Variants in COPG2 observed in about 807,000 individuals in gnomAD.
COPG2 encodes the protein coat protein complex I subunit gamma 2, also known as coatomer subunit gamma-2.
A neutral mutation model predicts 46.3 loss-of-function variants in COPG2; 37 were observed. The ratio of observed to expected loss-of-function variants is 0.80; its 90% confidence interval spans 0.61 to 1.05. COPG2 has a LOEUF of 1.05. Ranked by LOEUF, COPG2 falls within the 50% of genes least tolerant of loss-of-function variation. The pLI, the probability that COPG2 is intolerant of heterozygous loss-of-function variation, is 0.00. For synonymous variants in COPG2, 159 were observed against 129.7 expected, an observed-to-expected ratio of 1.23 and a Z score of -1.53; for missense variants, 427 against 387.8, an observed-to-expected ratio of 1.10 and a Z score of -0.85.
At chr7:130,559,068 AT>A (rs1372145692) in intron 12 of COPG2, among the ~76,000 whole-genome samples, 1 of 152,242 alleles carries the variant, frequency 6.6e-6, no homozygotes, top group African/African-American at 2.4e-5. Flanking sequence ...CCTAAAAAAA[AT>A]AACACTTTTG....
intron 4 of COPG2, among the ~76,000 whole-genome samples, chr7:130,662,652 A>G (rs1796001035): frequency 6.6e-6 from 1 of 152,208 alleles, no homozygotes. Context: ...CCCACCAGAA[A>G]CTTGACTAAG....
intron 9 of COPG2, among the ~76,000 whole-genome samples, chr7:130,578,376 G>C (rs1250359047): frequency 1.3e-5 from 2 of 148,976 alleles, no homozygotes; most frequent in Admixed American, 1.3e-4. Context: ...ACCAAAAGTA[G>C]ATAAAACCAC....
At chr7:130,551,639 A>G (rs1339393128) in intron 15 of COPG2, among the ~76,000 whole-genome samples, 1 of 152,210 alleles carries the variant, frequency 6.6e-6, no homozygotes, top group Non-Finnish European at 1.5e-5. Flanking sequence ...CTGTAACTAC[A>G]TGACCCTGTT....
chr7:130,512,052 T>TAAAAAAAA (rs1182017221), intron 20 of COPG2, among the ~76,000 whole-genome samples: 37 of 99,102 alleles, frequency 3.7e-4, no homozygotes, highest in South Asian at 6.7e-4. Context: ...CTGTGTCTTC[T>TAAAAAAAA]AAAAAAAAAA....
At chr7:130,509,559 A>G in intron 20 of COPG2, 1 of 422,680 alleles carries the variant, frequency 2.4e-6, no homozygotes. Flanking sequence ...ATTGGGTAAT[A>G]AGACTTTCAT....
chr7:130,507,360 TTGTTGACAGCCTCTG>T lies in COPG2; in HGVS notation c.2387-3_2398del. The T allele has an allele frequency of 1.3e-6, 1 of 780,644 alleles. No homozygotes were observed. The highest frequency in any genetic ancestry group is 2.4e-5 in the East Asian group (1 of 41,246). 48.4% of individuals were successfully genotyped at this position (780,644 alleles called of 1,614,324 possible). A position where few individuals can be genotyped will look rare whatever the true frequency, so the allele number is the denominator to read the frequency against. ...CTGCATGCCCAGAAATGTGATGATA[TTGTTGACAGCCTCTG>T]TGTTGAGAAGATGTATGAGACAGTA... is the stretch of plus-strand genomic sequence containing the variant. On this transcript the variant is annotated splice_acceptor_variant and splice_polypyrimidine_tract_variant and coding_sequence_variant and intron_variant, in exon 23 of 24. Transcript: ENST00000425248. LOFTEE classifies it high-confidence loss of function.
chr7:130,555,966 T>A (rs2116394082), intron 12 of COPG2, among the ~76,000 whole-genome samples: 1 of 152,262 alleles, frequency 6.6e-6, no homozygotes, highest in Non-Finnish European at 1.5e-5. Flanking sequence ...AACAAGAGAC[T>A]CCTGGCTCAG....
chr7:130,518,889 C>T (rs1799701170), intron 20 of COPG2, among the ~76,000 whole-genome samples: 1 of 151,750 alleles, frequency 6.6e-6, no homozygotes, highest in South Asian at 2.1e-4. Flanking sequence ...GCCTGTAAGC[C>T]CAGCTACTCG....
Position 130,617,018 on chromosome 7 carries a change from G to A in COPG2, c.371C>T (p.Ala124Val), listed in dbSNP as rs1794962566. The change falls in exon 6 of 24, where the codon GCC becomes GTC. Residue 124 changes from alanine to valine, a missense_variant. Transcript: ENST00000425248. ...TGKEDVYRGP[A>V]IRALCRITDG... is the part of the protein sequence containing the mutation. Reference sequence around the variant, plus strand: ...GGTGATCCTGCAGAGAGCTCTGATGGCCGGGCCTCGGTATACATCTTCTTT... The same window carrying A: ...GGTGATCCTGCAGAGAGCTCTGATGACCGGGCCTCGGTATACATCTTCTTT... 6.2e-7 allele frequency: 1 copy of A among 1,611,220 alleles called. No individual in the cohort carries two copies. Among genetic ancestry groups the A allele is most frequent in the Non-Finnish European group, 8.5e-7 (1 of 1,178,114 alleles).
chr7:130,508,209 CAAAAACAA>C (rs1199644156), intron 21 of COPG2: 2 of 245,940 alleles, frequency 8.1e-6, no homozygotes, highest in African/African-American at 4.5e-5. Flanking sequence ...GCTGCTGAAG[CAAAAACAA>C]AAAACCAAAA....
intron 5 of COPG2, among the ~76,000 whole-genome samples, chr7:130,624,363 T>C (rs887261529): frequency 6.6e-6 from 1 of 152,188 alleles, no homozygotes. Flanking sequence ...GTAAATGGGG[T>C]TCTATCTACT....
chr7:130,566,768 C>T (rs1368560311), intron 9 of COPG2, among the ~76,000 whole-genome samples: 4 of 152,126 alleles, frequency 2.6e-5, no homozygotes, highest in African/African-American at 9.7e-5. Context: ...CAGTGATGTT[C>T]CTTGGACTTT....
intron 20 of COPG2, among the ~76,000 whole-genome samples, chr7:130,515,119 A>T (rs1278407612): frequency 1.3e-5 from 2 of 152,116 alleles, no homozygotes; most frequent in African/African-American, 4.8e-5. Context: ...CCTCCCCCAG[A>T]CCTAGTCAGT....
In COPG2 at chr7:130,550,660, T is replaced by C. The variant is rs1395776964; in HGVS notation, c.1649-11A>G. 7.6e-6 allele frequency: 3 copies of C among 396,818 alleles called. No homozygotes were observed. Among genetic ancestry groups the C allele is most frequent in the Admixed American group, 8.8e-5 (2 of 22,664 alleles). The allele number at this position is 396,818 out of a possible 1,614,324, so 24.6% of individuals were successfully genotyped here. ...CAGAGACCGTCAAACCTGTGAAACATAGAGAAATCTCAGCATTATAACCTC... is the reference window on the plus strand; with the variant it reads ...CAGAGACCGTCAAACCTGTGAAACACAGAGAAATCTCAGCATTATAACCTC... On this transcript the variant is annotated splice_polypyrimidine_tract_variant and intron_variant, in intron 16 of 23. Coordinates refer to ENST00000425248, the MANE Select transcript of COPG2 (RefSeq NM_012133.6).
At chr7:130,525,882 C>T (rs1212806672) in intron 20 of COPG2, among the ~76,000 whole-genome samples, 1 of 151,558 alleles carries the variant, frequency 6.6e-6, no homozygotes, top group Non-Finnish European at 1.5e-5. Flanking sequence ...GAGAGTGGGA[C>T]CTATGTAAGA....
chr7:130,529,575 G>A (rs1799804724), intron 20 of COPG2, among the ~76,000 whole-genome samples: 1 of 152,164 alleles, frequency 6.6e-6, no homozygotes, highest in African/African-American at 2.4e-5. Context: ...ATACGTTGGT[G>A]GTATGCCTGG....
chr7:130,606,739 C>T (rs982027514), intron 9 of COPG2, among the ~76,000 whole-genome samples: 3 of 152,200 alleles, frequency 2.0e-5, no homozygotes, highest in Non-Finnish European at 4.4e-5. Context: ...ATCTTCCCTT[C>T]CTGACAGCCT....
chr7:130,643,249 C>T (rs921324319), intron 5 of COPG2, among the ~76,000 whole-genome samples: 3 of 151,372 alleles, frequency 2.0e-5, no homozygotes, highest in African/African-American at 7.3e-5. Flanking sequence ...GAGCCAAGAT[C>T]GCGCCACTGC....
At chr7:130,605,799 G>A in intron 9 of COPG2, 1 of 519,578 alleles carries the variant, frequency 1.9e-6, no homozygotes, top group Non-Finnish European at 3.9e-6. Flanking sequence ...AGCCCCATGA[G>A]GCCTGTGTCA....
Sources: gnomAD v4.1 joint callset for allele counts (sites outside exome capture counted in the v4.1 genomes callset) on GRCh38, gnomAD v4.1.1 for gene constraint, MANE v1.5 for transcripts, NCBI Gene and HGNC (gene_info 2026-07-23, HGNC 2026-07-21) for gene names.